The following MAGI2 variants were observed in gnomAD, a reference collection of about 807,000 sequenced individuals.
The protein encoded by MAGI2 is membrane associated guanylate kinase, WW and PDZ domain containing 2, also known as membrane-associated guanylate kinase, WW and PDZ domain-containing protein 2.
A neutral mutation model predicts 133.3 loss-of-function variants in MAGI2; 35 were observed. The observed-to-expected ratio is 0.26, with a 90% CI of 0.20 to 0.35. The LOEUF is 0.35. Among genes scored for constraint, MAGI2 ranks in the 10% least tolerant of loss-of-function variants. MAGI2 has a pLI of 1.00. For missense variants in MAGI2, 1,636 were observed against 1,863.4 expected, an observed-to-expected ratio of 0.88 and a Z score of 2.25; for synonymous variants, 729 against 710.6, an observed-to-expected ratio of 1.03 and a Z score of -0.41.
At chr7:79,129,628 G>C (rs960718035) in intron 1 of MAGI2, among the ~76,000 whole-genome samples, 2 of 152,122 alleles carry the variant, frequency 1.3e-5, no homozygotes, top group Non-Finnish European at 2.9e-5. Context: ...TATAATGATA[G>C]CCATTTCAAT....
At chr7:78,997,505 G>C (rs973928781) in intron 2 of MAGI2, among the ~76,000 whole-genome samples, 7 of 151,760 alleles carry the variant, frequency 4.6e-5, no homozygotes, top group African/African-American at 1.5e-4. Context: ...GGGAGGCTGA[G>C]GCAGAAGAAT....
intron 1 of MAGI2, among the ~76,000 whole-genome samples, chr7:79,315,326 T>G (rs913176098): frequency 1.2e-3 from 38 of 32,152 alleles, no homozygotes; most frequent in Admixed American, 1.9e-3. Context: ...GCCCAGTTAA[T>G]TTTTTTTTTT....
At chr7:78,900,487 A>G (rs1377989544) in intron 2 of MAGI2, among the ~76,000 whole-genome samples, 1 of 151,978 alleles carries the variant, frequency 6.6e-6, no homozygotes, top group Non-Finnish European at 1.5e-5. Context: ...CAAGCTCTCT[A>G]TTTAGGTCCT....
intron 1 of MAGI2, among the ~76,000 whole-genome samples, chr7:79,280,713 C>T (rs1010443865): frequency 6.6e-6 from 1 of 151,768 alleles, no homozygotes; most frequent in African/African-American, 2.4e-5. Flanking sequence ...GGATCACTTG[C>T]AGCCAGCTAA....
intron 2 of MAGI2, among the ~76,000 whole-genome samples, chr7:78,685,708 C>T (rs1269622588): frequency 1.3e-5 from 2 of 151,578 alleles, no homozygotes; most frequent in African/African-American, 4.8e-5. Flanking sequence ...ACAATACTTG[C>T]TATTTTTTAA....
intron 1 of MAGI2, among the ~76,000 whole-genome samples, chr7:79,343,016 G>A (rs577153207): frequency 2.0e-5 from 3 of 151,976 alleles, no homozygotes; most frequent in Admixed American, 6.6e-5. Flanking sequence ...CACCCATCTC[G>A]GCCTCCCAAA....
chr7:78,189,012 T>C (rs1451786572), intron 12 of MAGI2, among the ~76,000 whole-genome samples: 2 of 152,130 alleles, frequency 1.3e-5, no homozygotes, highest in Non-Finnish European at 2.9e-5. Flanking sequence ...TGGTGAATAA[T>C]ACGATTACAG....
intron 1 of MAGI2, among the ~76,000 whole-genome samples, chr7:79,136,072 A>AGAAAGAAAGAAAGAAT (rs1585016085): frequency 2.3e-5 from 1 of 43,170 alleles, no homozygotes; most frequent in East Asian, 6.7e-4. Flanking sequence ...AAAGAAGGAA[A>AGAAAGAAAGAAAGAAT]GAAAGAAAGA....
intron 7 of MAGI2, among the ~76,000 whole-genome samples, chr7:78,363,355 C>T (rs1004689704): frequency 5.9e-5 from 9 of 151,996 alleles, no homozygotes; most frequent in Non-Finnish European, 1.0e-4. Context: ...TAGCAGGGCG[C>T]GGTGGCGGGT....
intron 1 of MAGI2, among the ~76,000 whole-genome samples, chr7:79,278,402 T>G (rs891102986): frequency 3.9e-5 from 6 of 152,180 alleles, no homozygotes; most frequent in Non-Finnish European, 8.8e-5. Flanking sequence ...TTTATAGTAA[T>G]GTAAGAACAG....
intron 2 of MAGI2, among the ~76,000 whole-genome samples, chr7:78,853,214 T>C (rs1186918912): frequency 6.6e-6 from 1 of 151,938 alleles, no homozygotes; most frequent in Non-Finnish European, 1.5e-5. Flanking sequence ...AACATAACTT[T>C]TCGTTTAACA....
intron 21 of MAGI2, among the ~76,000 whole-genome samples, chr7:78,074,328 G>A (rs1234579186): frequency 3.3e-5 from 5 of 152,146 alleles, no homozygotes; most frequent in African/African-American, 1.2e-4. Flanking sequence ...CTCGGTCACA[G>A]ATCACCTTGA....
intron 1 of MAGI2, among the ~76,000 whole-genome samples, chr7:79,255,284 T>G (rs1263335150): frequency 6.6e-6 from 1 of 152,184 alleles, no homozygotes; most frequent in African/African-American, 2.4e-5. Context: ...AAAAACATTT[T>G]CAAACCGATG....
At chr7:79,200,371 G>A (rs114099848) in intron 1 of MAGI2, among the ~76,000 whole-genome samples, 1,988 of 151,718 alleles carry the variant, frequency 0.013, 59 homozygotes, top group African/African-American at 0.045. Flanking sequence ...GGGAGGCTGA[G>A]GCAGGAGGAT....
At chr7:79,065,587 G>A (rs995886869) in intron 1 of MAGI2, among the ~76,000 whole-genome samples, 2 of 152,044 alleles carry the variant, frequency 1.3e-5, no homozygotes, top group African/African-American at 4.8e-5. Context: ...TATACTTTAA[G>A]TTTTCAGGTA....
chr7:78,698,669 G>A (rs1817755011), intron 2 of MAGI2, among the ~76,000 whole-genome samples: 1 of 152,188 alleles, frequency 6.6e-6, no homozygotes, highest in South Asian at 2.1e-4. Flanking sequence ...AGGTTTAATT[G>A]ACTCACAGTT....
At chr7:78,070,214 T>TACACAC (rs1310949637) in intron 21 of MAGI2, among the ~76,000 whole-genome samples, 17 of 52,910 alleles carry the variant, frequency 3.2e-4, no homozygotes, top group African/African-American at 6.6e-4. Flanking sequence ...TATATATATA[T>TACACAC]ATATACACAC....
chr7:79,150,514 C>T (rs2129546927), intron 1 of MAGI2, among the ~76,000 whole-genome samples: 1 of 152,230 alleles, frequency 6.6e-6, no homozygotes, highest in Non-Finnish European at 1.5e-5. Flanking sequence ...TTATACTTGT[C>T]AAATGACTCA....
rs1401373635 is a variant in MAGI2, at chr7:78,127,267, G to A, written c.3353C>T (p.Pro1118Leu). 4.3e-6 allele frequency: 7 copies of A among 1,609,828 alleles called. No homozygotes were observed. The highest frequency in any genetic ancestry group is 5.9e-6 in the Non-Finnish European group (7 of 1,177,868). ...GGAGTGCTGCCTGTAGTCCAGTAGGGGAGGCTGCCTGTAGTCCAAGGGTGG... is the reference window on the plus strand; with the variant it reads ...GGAGTGCTGCCTGTAGTCCAGTAGGAGAGGCTGCCTGTAGTCCAAGGGTGG... ...QPPPLDYRQPPLLDYRQHSPD... is the reference protein window; with the variant it reads ...QPPPLDYRQPLLLDYRQHSPD... The change falls in exon 19 of 22, where the codon CCC (proline) becomes CTC (leucine). Residue 1118 changes from proline to leucine, a missense_variant. This residue lies in a region of MAGI2 where 920 missense variants were observed against 1,093.5 expected (regional missense o/e 0.84). Coordinates refer to ENST00000354212, the MANE Select transcript of MAGI2 (RefSeq NM_012301.4).
Sources: allele counts gnomAD v4.1 joint callset (sites outside exome capture counted in the v4.1 genomes callset), GRCh38; gene constraint gnomAD v4.1.1; regional missense constraint gnomAD v4.1.1; transcripts MANE v1.5; gene names NCBI Gene and HGNC (gene_info 2026-07-23, HGNC 2026-07-21).